ADCY9: variants seen among roughly 807,000 people sequenced by gnomAD.
The protein encoded by ADCY9 is adenylate cyclase type 9.
Under a neutral mutation model 101.5 loss-of-function variants are expected in ADCY9, and 50 were observed. The ratio of observed to expected loss-of-function variants is 0.49; its 90% CI spans 0.39 to 0.62. The LOEUF (loss-of-function observed/expected upper bound fraction) is 0.62, where lower values mean the gene tolerates loss of function less well. Ranked by LOEUF, ADCY9 falls within the 20% of genes least tolerant of loss-of-function variation. The probability of loss-of-function intolerance (pLI) is 0.00; values close to 1 mark genes in which losing one functional copy is unlikely to be tolerated. For missense variants in ADCY9, 1,662 were observed against 1,800.4 expected, an observed-to-expected ratio of 0.92 and a Z score of 1.39; for synonymous variants, 905 against 769.3, an observed-to-expected ratio of 1.18 and a Z score of -2.92.
At chr16:4,093,933 AT>A (rs1199450140) in intron 2 of ADCY9, among the ~76,000 whole-genome samples, 1 of 152,174 alleles carries the variant, frequency 6.6e-6, no homozygotes, top group Non-Finnish European at 1.5e-5. Flanking sequence ...AGTCTATGGA[AT>A]TGGAAACTTA....
downstream of ADCY9, among the ~76,000 whole-genome samples, chr16:3,960,391 G>A (rs900706942): frequency 2.0e-5 from 3 of 151,984 alleles, no homozygotes; most frequent in Admixed American, 6.6e-5. Context: ...ATGGTGGCAC[G>A]AGCACCTGTA....
chr16:4,110,045 C>T (rs2057103541), intron 2 of ADCY9, among the ~76,000 whole-genome samples: 1 of 152,180 alleles, frequency 6.6e-6, no homozygotes, highest in Non-Finnish European at 1.5e-5. Flanking sequence ...TGGAGAGCCA[C>T]AGCCTGATCT....
intron 2 of ADCY9, among the ~76,000 whole-genome samples, chr16:4,050,809 G>A (rs1370386877): frequency 6.6e-6 from 1 of 150,614 alleles, no homozygotes. Context: ...CTAATACTTA[G>A]ATCCTGGTTT....
intron 3 of ADCY9, among the ~76,000 whole-genome samples, chr16:3,997,225 G>C (rs954448251): frequency 1.3e-5 from 2 of 152,204 alleles, no homozygotes; most frequent in Non-Finnish European, 2.9e-5. Context: ...CGGCACACTG[G>C]CTTTATGAGA....
chr16:3,966,519 C>G lies in ADCY9; in HGVS notation c.3318G>C (p.Lys1106Asn). The G allele has an allele frequency of 1.2e-6, 2 of 1,614,194 alleles. No homozygotes were observed. ...LSKPDYSSIE[K>N]IKTIGATYMA... is the part of the protein sequence containing the mutation. ...TGTACGTGGCTCCGATGGTCTTGAT[C>G]TTCTCGATGCTGCTGTAGTCCGGCT... is the stretch of plus-strand genomic sequence containing the variant. The change falls in exon 11 of 11, where the codon AAG becomes AAC. Residue 1106 changes from lysine to asparagine, a missense_variant. By Grantham distance (94) the Lys-to-Asn change is moderately conservative. This residue lies in a region of ADCY9 where 220 missense variants were observed against 312.9 expected (regional missense o/e 0.70). Coordinates refer to ENST00000294016, the MANE Select transcript of ADCY9 (RefSeq NM_001116.4).
chr16:4,092,070 G>C (rs1339385886), intron 2 of ADCY9, among the ~76,000 whole-genome samples: 1 of 152,134 alleles, frequency 6.6e-6, no homozygotes, highest in Non-Finnish European at 1.5e-5. Flanking sequence ...GGAGTACAAG[G>C]CCAGCCTGGC....
chr16:4,057,761 C>A (rs931850269), intron 2 of ADCY9, among the ~76,000 whole-genome samples: 17 of 152,102 alleles, frequency 1.1e-4, no homozygotes, highest in Non-Finnish European at 1.9e-4. Context: ...GCATTTACGG[C>A]GTGTTCTCGA....
At chr16:3,956,050 A>C (rs1328956627) in intron 5 of ADCY9, among the ~76,000 whole-genome samples, 1 of 151,930 alleles carries the variant, frequency 6.6e-6, no homozygotes, top group Non-Finnish European at 1.5e-5. Flanking sequence ...TTTTTCGTAG[A>C]AAAAATTTCT....
At chr16:3,984,503 C>T (rs767038253) in intron 6 of ADCY9, among the ~76,000 whole-genome samples, 3 of 152,134 alleles carry the variant, frequency 2.0e-5, no homozygotes, top group African/African-American at 7.2e-5. Context: ...TTGACGCTCA[C>T]GGCACCCCAC....
intron 2 of ADCY9, among the ~76,000 whole-genome samples, chr16:4,055,176 G>C (rs1230350121): frequency 6.6e-6 from 1 of 151,280 alleles, no homozygotes; most frequent in East Asian, 1.9e-4. Context: ...CACCGGGAAG[G>C]GCCCCCAGGC....
chr16:4,002,943 T>A (rs1474502850), intron 3 of ADCY9, among the ~76,000 whole-genome samples: 3 of 152,228 alleles, frequency 2.0e-5, no homozygotes, highest in Non-Finnish European at 4.4e-5. Context: ...CTTGAACTCC[T>A]GACCGCAGGT....
chr16:4,040,030 C>T (rs922757617), intron 2 of ADCY9, among the ~76,000 whole-genome samples: 3 of 152,066 alleles, frequency 2.0e-5, no homozygotes, highest in Non-Finnish European at 4.4e-5. Flanking sequence ...CAGAGCAAAA[C>T]CCTGTCTCAA....
At chr16:4,087,984 G>A (rs772622110) in intron 2 of ADCY9, among the ~76,000 whole-genome samples, 2 of 150,602 alleles carry the variant, frequency 1.3e-5, no homozygotes, top group African/African-American at 4.9e-5. Flanking sequence ...CACCCAGGCT[G>A]GTGTGCAGCA....
intron 3 of ADCY9, among the ~76,000 whole-genome samples, chr16:3,998,745 GAAAGAAAGAAAAGAAAAGA>G (rs1344418097): frequency 4.9e-5 from 2 of 40,684 alleles, no homozygotes; most frequent in Non-Finnish European, 1.0e-4. Context: ...AGAAAAGAAA[GAAAGAAAGAAAAGAAAAGA>G]AAAGAAAAGA....
rs988309038 is a variant in ADCY9, at chr16:4,075,031, G to C, written c.1693+38719C>G. ...TCTCCACAAAAAAATAGAAAAATTAGCCAGCTATGGTGGTGCATGCCTGTA... is the reference window on the plus strand; with the variant it reads ...TCTCCACAAAAAAATAGAAAAATTACCCAGCTATGGTGGTGCATGCCTGTA... On this transcript the variant is annotated intron_variant, in intron 2 of 10. Coordinates refer to ENST00000294016, the MANE Select transcript of ADCY9 (RefSeq NM_001116.4). Among the ~76,000 whole-genome samples the C allele has an allele frequency of 4.6e-5, 7 of 152,184 alleles. No individual in the cohort carries two copies. In the East Asian group the frequency reaches 1.4e-3, roughly 29 times the overall value.
chr16:4,112,580 A>AAACTATTACTTCTGCCATCTCTGATTGG (rs938720786), intron 2 of ADCY9, among the ~76,000 whole-genome samples: 6 of 151,972 alleles, frequency 3.9e-5, no homozygotes, highest in Non-Finnish European at 8.8e-5. Flanking sequence ...TCTCTGATTG[A>AAACTATTACTTCTGCCATCTCTGATTGG]AACTATTACT....
chr16:4,023,781 A>C (rs889952666), intron 2 of ADCY9, among the ~76,000 whole-genome samples: 2 of 151,984 alleles, frequency 1.3e-5, no homozygotes, highest in Non-Finnish European at 2.9e-5. Context: ...GGCGGGGTAC[A>C]TGCCTGTGAT....
intron 2 of ADCY9, among the ~76,000 whole-genome samples, chr16:4,112,568 C>T (rs1179374984): frequency 1.3e-5 from 2 of 151,926 alleles, no homozygotes; most frequent in East Asian, 1.9e-4. Flanking sequence ...TTACTTCTGC[C>T]GTCTCTGATT....
intron 10 of ADCY9, among the ~76,000 whole-genome samples, chr16:3,967,502 T>C (rs544775637): frequency 1.5e-4 from 23 of 152,144 alleles, no homozygotes; most frequent in African/African-American, 5.3e-4. Flanking sequence ...ACGATCCTCC[T>C]GCCCAGCCTC....
Sources: allele counts gnomAD v4.1 joint callset (sites outside exome capture counted in the v4.1 genomes callset), GRCh38; gene constraint gnomAD v4.1.1; regional missense constraint gnomAD v4.1.1; transcripts MANE v1.5; gene names NCBI Gene and HGNC (gene_info 2026-07-23, HGNC 2026-07-21).